The following CYP11A1 variants were observed in gnomAD, a reference collection of about 807,000 sequenced individuals.
The protein encoded by CYP11A1 is cytochrome P450 family 11 subfamily A member 1, also known as cholesterol side-chain cleavage enzyme, mitochondrial.
A neutral mutation model predicts 51.9 loss-of-function variants in CYP11A1; 25 were observed. The observed-to-expected ratio is 0.48, with a 90% CI of 0.35 to 0.67. The LOEUF is 0.67. Among genes scored for constraint, CYP11A1 ranks in the 30% least tolerant of loss-of-function variants. CYP11A1 has a pLI of 0.00. For missense variants in CYP11A1, 578 were observed against 680.9 expected (o/e 0.85, Z 1.68); for synonymous variants, 245 against 262.1 (o/e 0.93, Z 0.63).
chr15:74,337,775 T>G lies in CYP11A1; in HGVS notation c.*197A>C. The G allele has an allele frequency of 3.0e-6, 2 of 672,208 alleles. No homozygotes were observed. The highest frequency in any genetic ancestry group is 1.6e-5 in the South Asian group (1 of 61,238). The allele number at this position is 672,208 out of a possible 1,614,324, so 41.6% of individuals were successfully genotyped here. On this transcript the variant is annotated 3_prime_UTR_variant, in exon 9 of 9. Transcript: ENST00000268053. ...CGCAAGACACCACATGGTTCAGCTG[T>G]TTATTGTCTCCATGGGGTGGGTGAA...
At position 74,348,062 on chromosome 15, in the gene CYP11A1, G is replaced by C; in HGVS notation, c.270-7C>G. Reference sequence around the variant, plus strand: ...CACGTTGCCGAGCTTCTCCCTGGAGGGGTGGGGGAGAGGGGCTGATGGAAG... The same window carrying C: ...CACGTTGCCGAGCTTCTCCCTGGAGCGGTGGGGGAGAGGGGCTGATGGAAG... On this transcript the variant is annotated splice_polypyrimidine_tract_variant and splice_region_variant and intron_variant, in intron 1 of 8. Coordinates refer to ENST00000268053, the MANE Select transcript of CYP11A1 (RefSeq NM_000781.3). The C allele has an allele frequency of 6.2e-7, 1 of 1,613,988 alleles. No individual in the cohort carries two copies. Among genetic ancestry groups the C allele is most frequent in the Non-Finnish European group, 8.5e-7 (1 of 1,179,980 alleles).
intron 1 of CYP11A1, chr15:74,365,733 G>A (rs2060729177): frequency 1.0e-6 from 1 of 985,402 alleles, no homozygotes; most frequent in East Asian, 1.1e-4. Context: ...CGCCACTGTC[G>A]GCTCCGGTGG....
rs1596160694 is a variant in CYP11A1, at chr15:74,345,395, C to CACTCTG, written c.426-153_426-152insCAGAGT. 3 of 743,892 alleles carry CACTCTG rather than the reference C, an allele frequency of 4.0e-6. No homozygotes were observed. In the East Asian group the frequency reaches 8.1e-5, roughly 20 times the overall value. The allele number at this position is 743,892 out of a possible 1,614,324, so 46.1% of individuals were successfully genotyped here. A position where few individuals can be genotyped will look rare whatever the true frequency, so the allele number is the denominator to read the frequency against. On this transcript the variant is annotated intron_variant, in intron 2 of 8. Transcript: ENST00000268053. The surrounding 1 kb of genome is among the most constrained non-coding windows in gnomAD (Gnocchi z 4.3). ...GCCTCTGCCCTCACCTCTCCGAGCA[C>CACTCTG]CCTCTGCCTCTCACCTCCTCCCTGC...
intron 1 of CYP11A1, chr15:74,361,744 G>A (rs1402763361): frequency 1.6e-6 from 2 of 1,264,670 alleles, no homozygotes; most frequent in South Asian, 1.2e-5. Context: ...TGTCAGGGTG[G>A]TGACTTCATA....
intron 1 of CYP11A1, chr15:74,361,422 A>C: frequency 3.1e-6 from 1 of 321,678 alleles, no homozygotes; most frequent in Admixed American, 4.4e-5. Flanking sequence ...CAACAACAAC[A>C]AAAAATTAAT....
At chr15:74,339,086 C>T in intron 7 of CYP11A1, 151 bp downstream of exon 7, 1 of 740,150 alleles carries the variant, frequency 1.4e-6, no homozygotes. Flanking sequence ...GGTCACCGCC[C>T]ACCATGCCCA....
Position 74,339,753 on chromosome 15 carries a change from T to C in CYP11A1, c.991A>G (p.Thr331Ala). The C allele has an allele frequency of 6.2e-7, 1 of 1,614,086 alleles. No individual in the cohort carries two copies. Among genetic ancestry groups the C allele is most frequent in the Non-Finnish European group, 8.5e-7 (1 of 1,180,020 alleles). Residue 331 changes from threonine (T) to alanine (A), a missense_variant and splice_region_variant, in exon 6 of 9, where the codon ACG (threonine) becomes GCG (alanine). Coordinates refer to ENST00000268053, the MANE Select transcript of CYP11A1 (RefSeq NM_000781.3). ...AAGTGCCACTGCAGGGTCATGGACG[T>C]CTGGTGGGGAGTAGGGTATACAGAA... ...TEMLAGGVDT[T>A]SMTLQWHLYE... is the part of the protein sequence containing the mutation.
At chr15:74,338,811 C>T (rs778308676) in intron 7 of CYP11A1, 43 bp from the exon 8 acceptor site, 1 of 1,582,236 alleles carries the variant, frequency 6.3e-7, no homozygotes, top group South Asian at 1.1e-5. Flanking sequence ...CCCACTTCCC[C>T]ACAGCCCTGA....
intron 1 of CYP11A1, among the ~76,000 whole-genome samples, chr15:74,358,095 T>C (rs2060689571): frequency 6.6e-6 from 1 of 152,244 alleles, no homozygotes; most frequent in African/African-American, 2.4e-5. Flanking sequence ...TCCATCTTAA[T>C]GCCTCTTTAA....
chr15:74,342,047 C>A (rs2060609368), intron 5 of CYP11A1, among the ~76,000 whole-genome samples: 1 of 152,196 alleles, frequency 6.6e-6, no homozygotes, highest in Admixed American at 6.5e-5. Context: ...CAAACCAGTA[C>A]ACCCCTCCCC....
chr15:74,340,576 A>G (rs2060601873), intron 5 of CYP11A1, among the ~76,000 whole-genome samples: 1 of 152,184 alleles, frequency 6.6e-6, no homozygotes, highest in African/African-American at 2.4e-5. Flanking sequence ...ACAAGCTGTG[A>G]GGTACCATTT....
intron 1 of CYP11A1, chr15:74,361,665 C>A: frequency 1.6e-6 from 2 of 1,213,010 alleles, no homozygotes; most frequent in Non-Finnish European, 2.4e-6. Flanking sequence ...CTTTCATGCT[C>A]TGAGCACTGG....
chr15:74,366,170 G>C (rs1460669557), intron 1 of CYP11A1: 43 of 985,470 alleles, frequency 4.4e-5, no homozygotes, highest in Non-Finnish European at 5.2e-5. Context: ...GCGCGGCCCG[G>C]GCGGCGGCGT....
At chr15:74,348,236 G>A (rs773352152) in intron 1 of CYP11A1, 181 bp from the exon 2 acceptor site, 29 of 633,548 alleles carry the variant, frequency 4.6e-5, no homozygotes, top group South Asian at 9.6e-5. Context: ...TACCTGTCTC[G>A]CAGCGCTGCT....
Position 74,367,328 on chromosome 15 carries a change from G to A in CYP11A1, c.258C>T (p.Gly86=). 1 of 1,614,202 alleles carries A rather than the reference G, an allele frequency of 6.2e-7. No homozygotes were observed. The change falls in exon 1 of 9, where the codon GGC becomes GGT. Residue 86 remains glycine (G), a synonymous_variant. Transcript: ENST00000268053. The part of the protein sequence containing the change: ...LHHVQNFQKY[G]PIYREKLGNV... Reference sequence around the variant, plus strand: ...TCTGCCAGGCTTACCTGTAAATCGGGCCATACTTCTGGAAATTCTGGACAT... The same window carrying A: ...TCTGCCAGGCTTACCTGTAAATCGGACCATACTTCTGGAAATTCTGGACAT...
chr15:74,361,757 C>T, intron 1 of CYP11A1: 1 of 1,259,524 alleles, frequency 7.9e-7, no homozygotes, highest in Non-Finnish European at 1.2e-6. Context: ...ACTTCATATG[C>T]CATAATGGCA....
intron 1 of CYP11A1, among the ~76,000 whole-genome samples, chr15:74,359,923 T>C (rs973333929): frequency 7.9e-5 from 12 of 152,238 alleles, no homozygotes; most frequent in Non-Finnish European, 1.5e-5. Flanking sequence ...AGATTTTAAA[T>C]TAATTGGTTT....
At chr15:74,348,243 T>A in intron 1 of CYP11A1, 188 bp from the exon 2 acceptor site, 1 of 621,828 alleles carries the variant, frequency 1.6e-6, no homozygotes, top group South Asian at 1.9e-5. Context: ...CTCGCAGCGC[T>A]GCTGAAGGAC....
chr15:74,356,334 C>T (rs1219966473), intron 1 of CYP11A1: 1 of 152,338 alleles, frequency 6.6e-6, no homozygotes, highest in African/African-American at 2.4e-5. Context: ...ACTCCCAGAG[C>T]CCCTGGAACT....
Sources: gnomAD v4.1 joint callset for allele counts (sites outside exome capture counted in the v4.1 genomes callset) on GRCh38, gnomAD v4.1.1 for gene constraint, Gnocchi (gnomAD v3.1) non-coding constraint, MANE v1.5 for transcripts, NCBI Gene and HGNC (gene_info 2026-07-23, HGNC 2026-07-21) for gene names.